Variants in OR8G1 observed in about 807,000 individuals in gnomAD.
OR8G1 encodes the protein olfactory receptor 8G1.
For synonymous variants in OR8G1, 129 were observed against 133.3 expected, an observed-to-expected ratio of 0.97 and a Z score of 0.22; for missense variants, 372 against 356.2, an observed-to-expected ratio of 1.04 and a Z score of -0.36.
chr11:124,241,678 G>T (rs2137743434), intron 1 of OR8G1, among the ~76,000 whole-genome samples: 1 of 152,184 alleles, frequency 6.6e-6, no homozygotes, highest in Non-Finnish European at 1.5e-5. Flanking sequence ...TTTACATGAT[G>T]ACTTCATTTT....
At chr11:124,245,094 A>G (rs1861799104) in intron 1 of OR8G1, among the ~76,000 whole-genome samples, 2 of 151,650 alleles carry the variant, frequency 1.3e-5, no homozygotes, top group South Asian at 4.2e-4. Flanking sequence ...TACATGTGCC[A>G]TGCTGGTGTG....
intron 1 of OR8G1, among the ~76,000 whole-genome samples, chr11:124,244,304 A>G (rs771111107): frequency 7.2e-5 from 11 of 152,118 alleles, no homozygotes; most frequent in South Asian, 2.1e-4. Flanking sequence ...ATTTTTAATT[A>G]TAATCATATT....
At chr11:124,243,681 A>C (rs1187797648) in intron 1 of OR8G1, among the ~76,000 whole-genome samples, 2 of 151,978 alleles carry the variant, frequency 1.3e-5, no homozygotes, top group African/African-American at 4.8e-5. Context: ...TTTCCATTTT[A>C]ATCTTAACTA....
chr11:124,241,164 C>T lies in OR8G1; in HGVS notation c.-297C>T, dbSNP rs1047439834. On this transcript the variant is annotated 5_prime_UTR_variant, in exon 1 of 3. Transcript: ENST00000641972. ...TAGAAATACTGACCTGTGATGCAGA[C>T]CAGCTTCAAAGTGACTCTGAGACTG... The T allele has an allele frequency of 2.0e-5, 3 of 152,096 alleles. No homozygotes were observed. The highest frequency in any genetic ancestry group is 4.4e-5 in the Non-Finnish European group (3 of 68,024). The allele number at this position is 152,096 out of a possible 1,614,324, so 9.4% of individuals were successfully genotyped here.
At position 124,250,308 on chromosome 11, in the gene OR8G1, C is replaced by T. The variant is rs1344214467; in HGVS notation, c.633C>T (p.Ser211=). Residue 211 remains serine (S), a synonymous_variant, in exon 3 of 3, where the codon AGC becomes AGT. Coordinates refer to ENST00000641972, the MANE Select transcript of OR8G1 (RefSeq NM_001002905.2). ...GTGCATTTAACATCCTTGTCCCCAGCCTGACCATCCTTTGCTCTTACATCT... is the reference window on the plus strand; with the variant it reads ...GTGCATTTAACATCCTTGTCCCCAGTCTGACCATCCTTTGCTCTTACATCT... The part of the protein sequence containing the change: ...CVGAFNILVP[S]LTILCSYIFI... The T allele has an allele frequency of 1.9e-6, 3 of 1,613,774 alleles. No homozygotes were observed. In the South Asian group the frequency reaches 3.3e-5, roughly 18 times the overall value.
rs1306070801 is a variant in OR8G1, at chr11:124,250,386, C to T, written c.711C>T (p.Ala237=). 1 of 1,613,656 alleles carries T rather than the reference C, an allele frequency of 6.2e-7. No individual in the cohort carries two copies. The highest frequency in any genetic ancestry group is 1.3e-5 in the African/African-American group (1 of 74,872). The part of the protein sequence containing the change: ...HIRSTEGRSK[A]FSTCSSHMLA... ...GCTCCACTGAGGGCAGGTCCAAAGCCTTCAGCACTTGTAGCTCCCACATGT... is the reference window on the plus strand; with the variant it reads ...GCTCCACTGAGGGCAGGTCCAAAGCTTTCAGCACTTGTAGCTCCCACATGT... The change falls in exon 3 of 3, where the codon GCC becomes GCT. Residue 237 remains alanine, a synonymous_variant. Coordinates refer to ENST00000641972, the MANE Select transcript of OR8G1 (RefSeq NM_001002905.2).
At chr11:124,244,950 G>C (rs1325227725) in intron 1 of OR8G1, among the ~76,000 whole-genome samples, 1 of 151,730 alleles carries the variant, frequency 6.6e-6, no homozygotes, top group Non-Finnish European at 1.5e-5. Context: ...TAATATCTTT[G>C]CAACACTGAG....
At chr11:124,249,197 A>G (rs1861839600) in intron 2 of OR8G1, among the ~76,000 whole-genome samples, 1 of 152,150 alleles carries the variant, frequency 6.6e-6, no homozygotes, top group Non-Finnish European at 1.5e-5. Flanking sequence ...TTATGTATAA[A>G]TCGAGATTTC....
chr11:124,249,043 C>G (rs1861838354), intron 2 of OR8G1, among the ~76,000 whole-genome samples: 1 of 152,098 alleles, frequency 6.6e-6, no homozygotes, highest in African/African-American at 2.4e-5. Context: ...ACTACTAACA[C>G]AGCTTCCCTC....
intron 1 of OR8G1, among the ~76,000 whole-genome samples, chr11:124,244,385 T>G (rs1861791819): frequency 6.6e-6 from 1 of 152,056 alleles, no homozygotes; most frequent in Admixed American, 6.6e-5. Context: ...TTAACCATAT[T>G]GGGAAATCCC....
rs1861885025 is a variant in OR8G1, at chr11:124,253,735, A to T, written c.*3124A>T. On this transcript the variant is annotated 3_prime_UTR_variant, in exon 3 of 3. Transcript: ENST00000641972. ...TCTCCTCCCACACGCCCAGCTGCAG[A>T]TAAACACAATTCTACTGTCTACCTC... The T allele has an allele frequency of 6.6e-6, 1 of 152,136 alleles. No individual in the cohort carries two copies. The highest frequency in any genetic ancestry group is 2.4e-5 in the African/African-American group (1 of 41,448). The allele number at this position is 152,136 out of a possible 1,614,324, so 9.4% of individuals were successfully genotyped here.
Position 124,250,526 on chromosome 11 carries a change from T to G in OR8G1, c.851T>G (p.Met284Arg). The change falls in exon 3 of 3, where the codon ATG (methionine) becomes AGG (arginine). Residue 284 changes from methionine to arginine, a missense_variant. Physicochemically the swap from Met to Arg is moderately conservative, Grantham distance 91 (BLOSUM62 -1). Coordinates refer to ENST00000641972, the MANE Select transcript of OR8G1 (RefSeq NM_001002905.2). ...GTGTTTTATACTATTATTGTGCCCA[T>G]GTTGAACCCTCTGATTTATAGCCTG... ...SSVFYTIIVP[M>R]LNPLIYSLRN... The G allele has an allele frequency of 6.2e-7, 1 of 1,611,146 alleles. No individual in the cohort carries two copies. Among genetic ancestry groups the G allele is most frequent in the Non-Finnish European group, 8.5e-7 (1 of 1,178,842 alleles).
Position 124,251,354 on chromosome 11 carries a change from G to A in OR8G1, c.*743G>A, listed in dbSNP as rs1861865649. Reference sequence around the variant, plus strand: ...TAAGCTAAGTATAGGAAAGCCATATGTATGTCATACTTACTTTATCTATTT... The same window carrying A: ...TAAGCTAAGTATAGGAAAGCCATATATATGTCATACTTACTTTATCTATTT... On this transcript the variant is annotated 3_prime_UTR_variant, in exon 3 of 3. Transcript: ENST00000641972. 5.2e-6 allele frequency: 2 copies of A among 382,236 alleles called. 1 individual carries two copies. Among genetic ancestry groups the A allele is most frequent in the Non-Finnish European group, 1.0e-5 (2 of 199,886 alleles). The allele number at this position is 382,236 out of a possible 1,614,324, so 23.7% of individuals were successfully genotyped here. A position where few individuals can be genotyped will look rare whatever the true frequency, so the allele number is the denominator to read the frequency against.
chr11:124,249,562 TA>T, intron 2 of OR8G1, 97 bp from the exon 3 acceptor site: 2 of 1,247,862 alleles, frequency 1.6e-6, no homozygotes, highest in Non-Finnish European at 1.1e-6. Context: ...AGGGGATACC[TA>T]AAGCATGAAT....
chr11:124,248,432 A>G (rs1861833324), intron 2 of OR8G1, among the ~76,000 whole-genome samples: 1 of 151,678 alleles, frequency 6.6e-6, no homozygotes, highest in Admixed American at 6.6e-5. Flanking sequence ...TTTCTAAGAA[A>G]GCTTAAATTT....
rs1861852168 is a variant in OR8G1, at chr11:124,250,117, G to C, written c.442G>C (p.Val148Leu). 5.0e-6 allele frequency: 8 copies of C among 1,613,632 alleles called. No homozygotes were observed. Among genetic ancestry groups the C allele is most frequent in the African/African-American group, 1.3e-5 (1 of 74,874 alleles). The change falls in exon 3 of 3, where the codon GTG (valine) becomes CTG (leucine). Residue 148 changes from valine (V) to leucine (L), a missense_variant. Transcript: ENST00000641972. ...GGCTTGCTTTTCTCTGATTTTAGGG[G>C]TGTATATAATAGGCCTGGTTTGTGC... ...NKACFSLILG[V>L]YIIGLVCASV...
In OR8G1 at chr11:124,249,982, T is replaced by C. The variant is rs766311999; in HGVS notation, c.307T>C (p.Phe103Leu). The C allele has an allele frequency of 6.2e-7, 1 of 1,613,764 alleles. No homozygotes were observed. Among genetic ancestry groups the C allele is most frequent in the African/African-American group, 1.3e-5 (1 of 74,918 alleles). The change falls in exon 3 of 3, where the codon TTC becomes CTC. Residue 103 changes from phenylalanine to leucine, a missense_variant. Transcript: ENST00000641972. ...SYPECMTQLY[F>L]FLVFAIAECH... ...CCCTGAATGCATGACTCAGCTCTAC[T>C]TCTTCCTCGTTTTTGCTATTGCAGA... is the stretch of plus-strand genomic sequence containing the variant.
chr11:124,252,880 A>C lies in OR8G1; in HGVS notation c.*2269A>C, dbSNP rs753982142. On this transcript the variant is annotated 3_prime_UTR_variant, in exon 3 of 3. Coordinates refer to ENST00000641972, the MANE Select transcript of OR8G1 (RefSeq NM_001002905.2). ...CTTGCTCTTGGGGTCACCTTTACCC[A>C]GTAACAGTGAAAATTGTGTGTAATG... 6.6e-6 allele frequency: 1 copy of C among 152,184 alleles called. No individual in the cohort carries two copies. The highest frequency in any genetic ancestry group is 1.5e-5 in the Non-Finnish European group (1 of 68,034). The allele number at this position is 152,184 out of a possible 1,614,324, so 9.4% of individuals were successfully genotyped here.
intron 1 of OR8G1, among the ~76,000 whole-genome samples, chr11:124,245,725 A>G (rs1432708690): frequency 1.5e-5 from 2 of 136,904 alleles, no homozygotes; most frequent in Admixed American, 7.3e-5. Flanking sequence ...GTGAGATGGT[A>G]TCTCATTGTG....
Sources: gnomAD v4.1 joint callset for allele counts (sites outside exome capture counted in the v4.1 genomes callset) on GRCh38, gnomAD v4.1.1 for gene constraint, MANE v1.5 for transcripts, NCBI Gene and HGNC (gene_info 2026-07-23, HGNC 2026-07-21) for gene names.